Variants in FREM3 observed in about 807,000 individuals in gnomAD.
The protein encoded by FREM3 is FRAS1 related extracellular matrix 3.
FREM3 carries 105 observed loss-of-function variants against 129.1 expected under a neutral mutation model. The observed-to-expected ratio is 0.81, with a 90% CI of 0.69 to 0.96. The LOEUF (loss-of-function observed/expected upper bound fraction) is 0.96, where lower values mean the gene tolerates loss of function less well. FREM3 is among the 40% of genes least tolerant of loss of function. FREM3 has a pLI of 0.00. For missense variants in FREM3, 2,593 were observed against 2,666.3 expected (o/e 0.97, Z 0.61); for synonymous variants, 1,014 against 1,044.9 (o/e 0.97, Z 0.57).
chr4:143,607,470 C>A (rs1738687500), intron 6 of FREM3, among the ~76,000 whole-genome samples: 1 of 152,084 alleles, frequency 6.6e-6, no homozygotes, highest in Non-Finnish European at 1.5e-5. Context: ...TCACTTTTTA[C>A]CTTGCTCTGT....
Position 143,699,742 on chromosome 4 carries a change from T to A in FREM3, c.934A>T (p.Thr312Ser). Residue 312 changes from threonine (T) to serine (S), a missense_variant, in exon 1 of 8, where the codon ACG (threonine) becomes TCG (serine). By Grantham distance (58) the Thr-to-Ser change is moderately conservative (BLOSUM62 1). Coordinates refer to ENST00000329798, the MANE Select transcript of FREM3 (RefSeq NM_001168235.2). The surrounding 1 kb of genome is among the most constrained non-coding windows in gnomAD (Gnocchi z 4.2). ...AGTGGATCCACCTCCATCATCATCG[T>A]GGCCATGAAGCTGGGCCTGGGCGGT... ...NTPPRPSFMA[T>S]MMMEVDPLVL... is the part of the protein sequence containing the mutation. 6.6e-7 allele frequency: 1 copy of A among 1,519,646 alleles called. No individual in the cohort carries two copies. Among genetic ancestry groups the A allele is most frequent in the Non-Finnish European group, 8.8e-7 (1 of 1,136,850 alleles). The allele number at this position is 1,519,646 out of a possible 1,614,324, so 94.1% of individuals were successfully genotyped here.
At chr4:143,618,560 C>T (rs1738892122) in intron 5 of FREM3, among the ~76,000 whole-genome samples, 1 of 151,994 alleles carries the variant, frequency 6.6e-6, no homozygotes, top group South Asian at 2.1e-4. Context: ...CTTAACCTGC[C>T]TTGCTTGCTT....
intron 6 of FREM3, 109 bp from the exon 7 acceptor site, chr4:143,586,102 G>C: frequency 9.5e-7 from 1 of 1,052,750 alleles, no homozygotes; most frequent in Non-Finnish European, 1.3e-6. Flanking sequence ...AGACATGACA[G>C]ATCCCATAGG....
At chr4:143,607,857 A>G (rs981496744) in intron 6 of FREM3, among the ~76,000 whole-genome samples, 1 of 152,196 alleles carries the variant, frequency 6.6e-6, no homozygotes, top group Non-Finnish European at 1.5e-5. Context: ...TCAGAAGTCT[A>G]ACTAAAATAA....
At chr4:143,674,584 GAC>G (rs768483306) in intron 2 of FREM3, among the ~76,000 whole-genome samples, 7 of 152,166 alleles carry the variant, frequency 4.6e-5, no homozygotes, top group Non-Finnish European at 1.0e-4. Context: ...CCAATTAAAA[GAC>G]ACAGACTGGC....
intron 6 of FREM3, among the ~76,000 whole-genome samples, chr4:143,590,773 C>T (rs1270914316): frequency 6.6e-6 from 1 of 152,102 alleles, no homozygotes; most frequent in Non-Finnish European, 1.5e-5. Flanking sequence ...AGGGAGGATT[C>T]CCTCTTTTTC....
chr4:143,670,435 GT>G (rs1192572759), intron 2 of FREM3, among the ~76,000 whole-genome samples: 4 of 152,060 alleles, frequency 2.6e-5, no homozygotes, highest in Non-Finnish European at 4.4e-5. Context: ...AGGCACATGT[GT>G]ATGTACATGG....
chr4:143,682,644 T>C (rs942599496), intron 2 of FREM3, among the ~76,000 whole-genome samples: 2 of 152,224 alleles, frequency 1.3e-5, no homozygotes, highest in African/African-American at 4.8e-5. Context: ...TGTCCAATTC[T>C]TAGTTCAAAA....
At chr4:143,678,851 A>G (rs536052653) in intron 2 of FREM3, among the ~76,000 whole-genome samples, 24 of 152,016 alleles carry the variant, frequency 1.6e-4, no homozygotes, top group African/African-American at 5.8e-4. Flanking sequence ...GTGCTAGTTT[A>G]TTATATATAT....
chr4:143,583,438 C>T (rs1474805255), intron 7 of FREM3, among the ~76,000 whole-genome samples: 1 of 152,000 alleles, frequency 6.6e-6, no homozygotes, highest in Non-Finnish European at 1.5e-5. Flanking sequence ...GGCCAAAATT[C>T]AAATTCAGGA....
intron 4 of FREM3, among the ~76,000 whole-genome samples, chr4:143,623,493 TCC>T (rs35964270): frequency 0.053 from 3,627 of 68,520 alleles, 167 homozygotes; most frequent in Admixed American, 0.11. Context: ...TGAATACTAA[TCC>T]CCCCCCCCCC....
At position 143,586,862 on chromosome 4, in the gene FREM3, A is replaced by G. The variant is rs145695071; in HGVS notation, c.6029-869T>C. 1.0e-3 allele frequency among the ~76,000 whole-genome samples: 155 copies of G among 152,290 alleles called. 1 individual carries two copies. Among genetic ancestry groups the G allele is most frequent in the African/African-American group, 3.4e-3 (141 of 41,558 alleles). ...TACTTTTGTTGGCTGTGACATCTGG[A>G]GGCAAAAAATGTAAATATTAGGAAG... On this transcript the variant is annotated intron_variant, in intron 6 of 7. Transcript: ENST00000329798.
chr4:143,609,218 T>A (rs1022151577), intron 6 of FREM3, among the ~76,000 whole-genome samples: 5 of 152,154 alleles, frequency 3.3e-5, no homozygotes, highest in African/African-American at 1.2e-4. Flanking sequence ...GTTGTTCCAC[T>A]TTTGATTCTC....
chr4:143,663,917 C>G (rs986591533), intron 2 of FREM3, among the ~76,000 whole-genome samples: 2 of 152,124 alleles, frequency 1.3e-5, no homozygotes, highest in South Asian at 2.1e-4. Flanking sequence ...AGTTCTCGAG[C>G]CTTGGCTTTC....
In FREM3 at chr4:143,598,545, T is replaced by C. The variant is rs1738521361; in HGVS notation, c.6029-12552A>G. Reference sequence around the variant, plus strand: ...CCCAGAAAAGTCAAGGCATTAGATATATGGTGCTTCTCTTCTCCTCCTTCC... The same window carrying C: ...CCCAGAAAAGTCAAGGCATTAGATACATGGTGCTTCTCTTCTCCTCCTTCC... On this transcript the variant is annotated intron_variant, in intron 6 of 7. Transcript: ENST00000329798. Among the ~76,000 whole-genome samples the C allele has an allele frequency of 2.0e-5, 3 of 152,140 alleles. No individual in the cohort carries two copies. The South Asian group carries it at 6.2e-4, about 32-fold the overall frequency.
chr4:143,694,989 T>G (rs1490194362), intron 1 of FREM3, among the ~76,000 whole-genome samples: 1 of 152,172 alleles, frequency 6.6e-6, no homozygotes, highest in Non-Finnish European at 1.5e-5. Context: ...AAAAATAATC[T>G]CAGGCAAACA....
At chr4:143,662,365 C>T (rs554444953) in intron 2 of FREM3, among the ~76,000 whole-genome samples, 15 of 152,262 alleles carry the variant, frequency 9.9e-5, no homozygotes, top group Admixed American at 2.0e-4. Context: ...CATTCAGGAG[C>T]AGGTTGTTCA....
At chr4:143,693,062 T>C (rs1251820499) in intron 2 of FREM3, 51 bp downstream of exon 2, 11 of 971,274 alleles carry the variant, frequency 1.1e-5, no homozygotes, top group Non-Finnish European at 1.5e-5. Context: ...TCCAATTTTA[T>C]GTTGATTTTA....
Position 143,652,096 on chromosome 4 carries a change from A to T in FREM3, c.5276-24336T>A. On this transcript the variant is annotated intron_variant, in intron 2 of 7. Coordinates refer to ENST00000329798, the MANE Select transcript of FREM3 (RefSeq NM_001168235.2). ...TCATTTGGTTTTCCTGGTGTGCCCT[A>T]AATATATAAATTTAAAAATAACTAT... Among the ~76,000 whole-genome samples the T allele has an allele frequency of 1.6e-5, 2 of 126,996 alleles. 1 individual carries two copies. The highest frequency in any genetic ancestry group is 3.6e-5 in the Non-Finnish European group (2 of 55,856). The allele number at this position is 126,996 out of a possible 152,430, so 83.3% of individuals were successfully genotyped here.
Sources: allele counts gnomAD v4.1 joint callset (sites outside exome capture counted in the v4.1 genomes callset), GRCh38; gene constraint gnomAD v4.1.1; non-coding constraint Gnocchi (gnomAD v3.1); transcripts MANE v1.5; gene names NCBI Gene and HGNC (gene_info 2026-07-23, HGNC 2026-07-21).